Variants in TMEM178B observed in about 807,000 individuals in gnomAD.
The protein encoded by TMEM178B is transmembrane protein 178B.
In TMEM178B, 5 loss-of-function variants were observed where a neutral mutation model predicts 31.0. The observed-to-expected ratio is 0.16, with a 90% CI of 0.08 to 0.34. The LOEUF is 0.34. Ranked by LOEUF, TMEM178B falls within the 10% of genes least tolerant of loss-of-function variation. TMEM178B has a pLI of 1.00. For missense variants in TMEM178B, 275 were observed against 400.3 expected, an observed-to-expected ratio of 0.69 and a Z score of 2.67; for synonymous variants, 164 against 164.0, an observed-to-expected ratio of 1.00 and a Z score of 0.00.
At chr7:141,262,996 G>A (rs946722398) in intron 2 of TMEM178B, among the ~76,000 whole-genome samples, 1 of 152,002 alleles carries the variant, frequency 6.6e-6, no homozygotes, top group Non-Finnish European at 1.5e-5. Flanking sequence ...ATTTCCACTG[G>A]TATCCAAATG....
chr7:141,111,010 T>C (rs2129175092), intron 1 of TMEM178B, among the ~76,000 whole-genome samples: 1 of 152,366 alleles, frequency 6.6e-6, no homozygotes, highest in Admixed American at 6.5e-5. Context: ...TGAGAGGAAG[T>C]AAACATCTGT....
intron 2 of TMEM178B, among the ~76,000 whole-genome samples, chr7:141,382,256 A>G (rs1339148283): frequency 6.6e-6 from 1 of 152,186 alleles, no homozygotes; most frequent in Non-Finnish European, 1.5e-5. Flanking sequence ...CTCATTATGA[A>G]TCATTAGGCA....
chr7:141,126,929 G>T (rs1004930941), intron 1 of TMEM178B, among the ~76,000 whole-genome samples: 3 of 151,864 alleles, frequency 2.0e-5, no homozygotes, highest in Non-Finnish European at 4.4e-5. Context: ...TATTTATGGT[G>T]ACCAAAAGTT....
At chr7:141,308,933 G>T (rs971922367) in intron 2 of TMEM178B, among the ~76,000 whole-genome samples, 3 of 152,126 alleles carry the variant, frequency 2.0e-5, no homozygotes, top group East Asian at 1.9e-4. Flanking sequence ...AACAAACATG[G>T]TATAAAGCCA....
At chr7:141,281,461 G>A (rs957075277) in intron 2 of TMEM178B, among the ~76,000 whole-genome samples, 12 of 152,130 alleles carry the variant, frequency 7.9e-5, no homozygotes, top group Admixed American at 2.0e-4. Flanking sequence ...TCTAGTTGAG[G>A]ACTGAGCAGC....
intron 2 of TMEM178B, among the ~76,000 whole-genome samples, chr7:141,361,587 G>A (rs777300976): frequency 1.3e-5 from 2 of 152,046 alleles, no homozygotes; most frequent in Non-Finnish European, 2.9e-5. Context: ...GCAATATTAG[G>A]CCTGCATGAC....
At chr7:141,488,718 A>G in the TMEM178B span, among the ~76,000 whole-genome samples, 1 of 152,110 alleles carries the variant, frequency 6.6e-6, no homozygotes, top group Admixed American at 6.5e-5. Flanking sequence ...GATTACAGGC[A>G]TGAGCCACCG....
chr7:141,488,600 C>G, the TMEM178B span, among the ~76,000 whole-genome samples: 12 of 151,980 alleles, frequency 7.9e-5, no homozygotes, highest in Non-Finnish European at 1.6e-4. Flanking sequence ...CCACCATGGC[C>G]AGCTAATTGT....
At chr7:141,146,740 C>A (rs1795858973) in intron 1 of TMEM178B, among the ~76,000 whole-genome samples, 2 of 152,100 alleles carry the variant, frequency 1.3e-5, no homozygotes, top group South Asian at 4.1e-4. Context: ...ATGAATATAT[C>A]CCAGTTAGCT....
At chr7:141,482,092 T>C (rs1802485736), downstream of TMEM178B, among the ~76,000 whole-genome samples, 1 of 152,198 alleles carries the variant, frequency 6.6e-6, no homozygotes, top group African/African-American at 2.4e-5. Flanking sequence ...TTTCCGTGTC[T>C]CAAATGAATT....
chr7:141,176,148 T>C (rs1796430185), intron 1 of TMEM178B, among the ~76,000 whole-genome samples: 1 of 152,352 alleles, frequency 6.6e-6, no homozygotes, highest in Admixed American at 6.5e-5. Context: ...GCCCAGTTTA[T>C]TGAGAGTTTT....
At chr7:141,314,481 A>G (rs1282156572) in intron 2 of TMEM178B, among the ~76,000 whole-genome samples, 1 of 152,130 alleles carries the variant, frequency 6.6e-6, no homozygotes, top group East Asian at 1.9e-4. Flanking sequence ...GGTTGCTTAT[A>G]TCAGTGCTCT....
intron 3 of TMEM178B, among the ~76,000 whole-genome samples, chr7:141,451,869 C>G (rs1466546164): frequency 6.6e-6 from 1 of 152,154 alleles, no homozygotes; most frequent in Non-Finnish European, 1.5e-5. Context: ...TCTGTTCCCG[C>G]CCTGTCTCGG....
At chr7:141,205,570 T>G (rs971278750) in intron 1 of TMEM178B, among the ~76,000 whole-genome samples, 4 of 152,198 alleles carry the variant, frequency 2.6e-5, no homozygotes, top group Non-Finnish European at 5.9e-5. Flanking sequence ...TCAGACTTAT[T>G]TACAAGAGCT....
chr7:141,211,162 A>G (rs1797046846), intron 1 of TMEM178B, among the ~76,000 whole-genome samples: 1 of 152,132 alleles, frequency 6.6e-6, no homozygotes. Flanking sequence ...AGGTGTGCTT[A>G]GGGGGAATGC....
At chr7:141,347,676 A>AGT (rs1357706620) in intron 2 of TMEM178B, among the ~76,000 whole-genome samples, 1 of 152,032 alleles carries the variant, frequency 6.6e-6, no homozygotes, top group African/African-American at 2.4e-5. Flanking sequence ...ACAAGCACAA[A>AGT]GTGTGTGGTC....
At position 141,261,168 on chromosome 7, in the gene TMEM178B, A is replaced by T. The variant is rs114944016; in HGVS notation, c.496+48464A>T. Among the ~76,000 whole-genome samples, 822 of 152,340 alleles carry T rather than the reference A, an allele frequency of 5.4e-3. 10 individuals carry two copies. Among genetic ancestry groups the T allele is most frequent in the African/African-American group, 0.019 (779 of 41,576 alleles). On this transcript the variant is annotated intron_variant, in intron 2 of 3. Coordinates refer to ENST00000565468, the MANE Select transcript of TMEM178B (RefSeq NM_001195278.2). ...GTTGGGGTGGAGGCTTAATTTCTGC[A>T]TAACCATTTTGTTTGGGGCACAAAG...
intron 1 of TMEM178B, among the ~76,000 whole-genome samples, chr7:141,196,146 C>A (rs1796779669): frequency 6.6e-6 from 1 of 152,136 alleles, no homozygotes; most frequent in Non-Finnish European, 1.5e-5. Flanking sequence ...CACACACACA[C>A]ATGCACACAC....
intron 1 of TMEM178B, among the ~76,000 whole-genome samples, chr7:141,167,307 T>C (rs578147522): frequency 1.1e-3 from 172 of 152,350 alleles, no homozygotes; most frequent in African/African-American, 4.0e-3. Context: ...CAAATGCCCC[T>C]CACTGTCATT....
Sources: gnomAD v4.1 joint callset for allele counts (sites outside exome capture counted in the v4.1 genomes callset) on GRCh38, gnomAD v4.1.1 for gene constraint, MANE v1.5 for transcripts, NCBI Gene and HGNC (gene_info 2026-07-23, HGNC 2026-07-21) for gene names.